The following NTM variants were observed in gnomAD, a reference collection of about 807,000 sequenced individuals.
The protein encoded by NTM is IgLON family member 2.
Under a neutral mutation model 42.1 loss-of-function variants are expected in NTM, and 13 were observed. The ratio of observed to expected loss-of-function variants is 0.31; its 90% CI spans 0.20 to 0.49. The LOEUF (loss-of-function observed/expected upper bound fraction) is 0.49. NTM is among the 20% of genes least tolerant of loss of function. NTM has a pLI of 0.99. For missense variants in NTM, 373 were observed against 452.8 expected (o/e 0.82, Z 1.60); for synonymous variants, 187 against 179.2 (o/e 1.04, Z -0.35).
At chr11:131,513,794 G>C (rs991348592) in intron 1 of NTM, among the ~76,000 whole-genome samples, 4 of 152,166 alleles carry the variant, frequency 2.6e-5, no homozygotes, top group African/African-American at 9.7e-5. Flanking sequence ...AAAGGTCCCT[G>C]GCAGACTGAG....
chr11:132,186,371 C>T (rs1384708665), intron 3 of NTM, among the ~76,000 whole-genome samples: 1 of 152,186 alleles, frequency 6.6e-6, no homozygotes, highest in South Asian at 2.1e-4. Context: ...ACTAGCTTGC[C>T]TCTTTCCAGC....
At chr11:131,767,087 C>T (rs955434321) in intron 1 of NTM, 9 of 940,640 alleles carry the variant, frequency 9.6e-6, no homozygotes, top group Non-Finnish European at 8.9e-6. Flanking sequence ...GCTTTTGTAC[C>T]TAGAACTCTG....
At chr11:131,598,744 T>TTTCTTTCTTTCTTTC (rs2060088900) in intron 1 of NTM, among the ~76,000 whole-genome samples, 1 of 78,506 alleles carries the variant, frequency 1.3e-5, no homozygotes, top group Non-Finnish European at 2.8e-5. Context: ...TCTTTCTTTC[T>TTTCTTTCTTTCTTTC]TTCTTTCTTT....
intron 1 of NTM, among the ~76,000 whole-genome samples, chr11:131,504,116 G>T (rs1022331371): frequency 1.3e-5 from 2 of 152,060 alleles, no homozygotes; most frequent in African/African-American, 4.8e-5. Context: ...CTTCCTCCAG[G>T]CCCCTGCTTC....
chr11:132,076,662 G>A (rs976250205), intron 2 of NTM, among the ~76,000 whole-genome samples: 13 of 152,150 alleles, frequency 8.5e-5, no homozygotes, highest in Non-Finnish European at 1.8e-4. Flanking sequence ...GGTAATATGG[G>A]AGTTTGAACA....
At chr11:131,424,590 C>CTTTTTTTT in intron 1 of NTM, among the ~76,000 whole-genome samples, 1 of 51,644 alleles carries the variant, frequency 1.9e-5, no homozygotes, top group East Asian at 5.8e-4. Flanking sequence ...TTTTTTATTT[C>CTTTTTTTT]TTTTCTTTTC....
At chr11:132,217,040 T>C (rs1592283857) in intron 4 of NTM, among the ~76,000 whole-genome samples, 1 of 152,320 alleles carries the variant, frequency 6.6e-6, no homozygotes, top group East Asian at 1.9e-4. Flanking sequence ...CAGTGGGTCA[T>C]CCATGAGCTT....
At chr11:131,679,873 G>C (rs2072122058) in intron 1 of NTM, among the ~76,000 whole-genome samples, 1 of 152,106 alleles carries the variant, frequency 6.6e-6, no homozygotes, top group African/African-American at 2.4e-5. Context: ...AGAATTTTGA[G>C]GCATGGGCTT....
At chr11:131,524,909 C>A (rs555753701) in intron 1 of NTM, among the ~76,000 whole-genome samples, 1 of 152,282 alleles carries the variant, frequency 6.6e-6, no homozygotes, top group African/African-American at 2.4e-5. Flanking sequence ...TGAAAGGGGT[C>A]AATAGTTCTT....
At chr11:131,941,074 C>T (rs1467377785) in intron 2 of NTM, among the ~76,000 whole-genome samples, 2 of 152,130 alleles carry the variant, frequency 1.3e-5, no homozygotes, top group Non-Finnish European at 2.9e-5. Flanking sequence ...AAGATATTCT[C>T]GAGGGTAATG....
intron 4 of NTM, among the ~76,000 whole-genome samples, chr11:132,274,140 A>G (rs1351709050): frequency 6.6e-6 from 1 of 151,832 alleles, no homozygotes; most frequent in Non-Finnish European, 1.5e-5. Context: ...TTCTTTGTTC[A>G]GCCTTAGTAA....
intron 3 of NTM, among the ~76,000 whole-genome samples, chr11:132,168,089 A>T (rs2075555466): frequency 2.0e-5 from 3 of 152,212 alleles, no homozygotes; most frequent in Admixed American, 2.0e-4. Flanking sequence ...CCCAGTATTC[A>T]CAAGATACAT....
At chr11:131,835,058 G>A (rs1479675204) in intron 1 of NTM, among the ~76,000 whole-genome samples, 2 of 152,120 alleles carry the variant, frequency 1.3e-5, no homozygotes, top group African/African-American at 4.8e-5. Flanking sequence ...AAGAAGTTCA[G>A]CTAACATCCC....
intron 2 of NTM, among the ~76,000 whole-genome samples, chr11:131,999,726 G>A (rs986236431): frequency 6.6e-6 from 1 of 152,182 alleles, no homozygotes; most frequent in East Asian, 1.9e-4. Flanking sequence ...AAAGGTTACA[G>A]GCTATGTGAG....
At chr11:131,818,467 A>T (rs996769062) in intron 1 of NTM, among the ~76,000 whole-genome samples, 1 of 152,092 alleles carries the variant, frequency 6.6e-6, no homozygotes, top group African/African-American at 2.4e-5. Context: ...GAATCCATGG[A>T]TTTGTATAGC....
chr11:132,289,693 C>G (rs1320281203), intron 4 of NTM, among the ~76,000 whole-genome samples: 2 of 152,192 alleles, frequency 1.3e-5, no homozygotes, highest in African/African-American at 4.8e-5. Context: ...ACAGAGGCTC[C>G]TGTACTCAGT....
At chr11:131,675,973 T>G (rs754099087) in intron 1 of NTM, among the ~76,000 whole-genome samples, 7 of 152,176 alleles carry the variant, frequency 4.6e-5, no homozygotes, top group Admixed American at 6.5e-5. Flanking sequence ...ACCTTTGGTG[T>G]TGAAGAGGAC....
At chr11:131,810,644 G>A (rs1405295852) in intron 1 of NTM, among the ~76,000 whole-genome samples, 1 of 152,192 alleles carries the variant, frequency 6.6e-6, no homozygotes, top group Non-Finnish European at 1.5e-5. Context: ...TTATTGCTTA[G>A]GAGATATTCC....
At chr11:131,424,595 C>CTTTTTTTTTTT (rs1446801058) in intron 1 of NTM, among the ~76,000 whole-genome samples, 23 of 39,610 alleles carry the variant, frequency 5.8e-4, no homozygotes, top group East Asian at 1.9e-3. Context: ...TATTTCTTTT[C>CTTTTTTTTTTT]TTTTCTTTTT....
Sources: allele counts gnomAD v4.1 joint callset (sites outside exome capture counted in the v4.1 genomes callset), GRCh38; gene constraint gnomAD v4.1.1; transcripts MANE v1.5; gene names NCBI Gene and HGNC (gene_info 2026-07-23, HGNC 2026-07-21).